KLF6: variants seen among roughly 807,000 people sequenced by gnomAD.
The protein encoded by KLF6 is KLF transcription factor 6.
For synonymous variants in KLF6, 152 were observed against 147.9 expected, an observed-to-expected ratio of 1.03 and a Z score of -0.20; for missense variants, 233 against 359.8, an observed-to-expected ratio of 0.65 and a Z score of 2.85.
Position 3,776,072 on chromosome 10 carries a change from C to T in KLF6, c.*3467G>A, listed in dbSNP as rs960023799. ...GAGGTTGTGAGAACAGCCCTCTGGCCTGGAGTCCCTCTGCCTCCTCCACCC... is the reference window on the plus strand; with the variant it reads ...GAGGTTGTGAGAACAGCCCTCTGGCTTGGAGTCCCTCTGCCTCCTCCACCC... On this transcript the variant is annotated 3_prime_UTR_variant, in exon 4 of 4. Transcript: ENST00000497571. 7.6e-6 allele frequency: 4 copies of T among 526,498 alleles called. No individual in the cohort carries two copies. The highest frequency in any genetic ancestry group is 1.5e-5 in the Non-Finnish European group (4 of 271,018). 32.6% of individuals were successfully genotyped at this position (526,498 alleles called of 1,614,324 possible). A position where few individuals can be genotyped will look rare whatever the true frequency, so the allele number is the denominator to read the frequency against.
chr10:3,778,935 A>G lies in KLF6; in HGVS notation c.*604T>C. 1.9e-6 allele frequency: 1 copy of G among 534,534 alleles called. No homozygotes were observed. Among genetic ancestry groups the G allele is most frequent in the South Asian group, 1.5e-5 (1 of 65,170 alleles). 33.1% of individuals were successfully genotyped at this position (534,534 alleles called of 1,614,324 possible). ...CACTAAGAGTTCCTCTCACACAGAA[A>G]AGGGGGAGAGAGGCTCTCCCTCCCC... On this transcript the variant is annotated 3_prime_UTR_variant, in exon 4 of 4. Coordinates refer to ENST00000497571, the MANE Select transcript of KLF6 (RefSeq NM_001300.6).
At position 3,776,497 on chromosome 10, in the gene KLF6, A is replaced by G; in HGVS notation, c.*3042T>C. On this transcript the variant is annotated 3_prime_UTR_variant, in exon 4 of 4. Transcript: ENST00000497571. ...AGGAGGAAGCCAGGGTGATGAATGC[A>G]GGAGGAATCTGTTCCAACAACCCCC... 2 of 530,198 alleles carry G rather than the reference A, an allele frequency of 3.8e-6. No individual in the cohort carries two copies. Among genetic ancestry groups the G allele is most frequent in the Non-Finnish European group, 7.3e-6 (2 of 273,748 alleles). The allele number at this position is 530,198 out of a possible 1,614,324, so 32.8% of individuals were successfully genotyped here.
Position 3,780,049 on chromosome 10 carries a change from G to C in KLF6, c.800+57C>G. On this transcript the variant is annotated intron_variant, in intron 3 of 3. Coordinates refer to ENST00000497571, the MANE Select transcript of KLF6 (RefSeq NM_001300.6). The surrounding 1 kb of genome is among the most constrained non-coding windows in gnomAD (Gnocchi z 4.6). The stretch of plus-strand genomic sequence containing the variant: ...TGCCCTGCACACCTACTCAACCCTG[G>C]TCATCACATTCCCAAGGCCCCACGC... 9 of 1,608,616 alleles carry C rather than the reference G, an allele frequency of 5.6e-6. No homozygotes were observed. Among genetic ancestry groups the C allele is most frequent in the Non-Finnish European group, 7.7e-6 (9 of 1,176,146 alleles).
At position 3,782,402 on chromosome 10, in the gene KLF6, T is replaced by G. The variant is rs1832550325; in HGVS notation, c.103-188A>C. Among the ~76,000 whole-genome samples, 1 of 152,224 alleles carries G rather than the reference T, an allele frequency of 6.6e-6. No individual in the cohort carries two copies. Among genetic ancestry groups the G allele is most frequent in the Admixed American group, 6.5e-5 (1 of 15,288 alleles). ...AGTTAGAGGAAATCTGTTTCTAGAA[T>G]GGTAAGAATTCAGAGGAAAAGTCGG... On this transcript the variant is annotated intron_variant, in intron 1 of 3. Transcript: ENST00000497571. This position sits in a 1 kb window ranked among gnomAD's most constrained non-coding sequence, Gnocchi z 4.3.
chr10:3,780,872 T>C lies in KLF6; in HGVS notation c.677-643A>G. 1 of 169,014 alleles carries C rather than the reference T, an allele frequency of 5.9e-6. No homozygotes were observed. Among genetic ancestry groups the C allele is most frequent in the South Asian group, 1.3e-4 (1 of 7,562 alleles). The allele number at this position is 169,014 out of a possible 1,614,324, so 10.5% of individuals were successfully genotyped here. A position where few individuals can be genotyped will look rare whatever the true frequency, so the allele number is the denominator to read the frequency against. On this transcript the variant is annotated intron_variant, in intron 2 of 3. Coordinates refer to ENST00000497571, the MANE Select transcript of KLF6 (RefSeq NM_001300.6). This position sits in a 1 kb window ranked among gnomAD's most constrained non-coding sequence, Gnocchi z 4.6. ...GTTGAGACAGGCCTGGGCCTGGATA[T>C]TGGGCCACCCGGATCTCAATCTCAG... is the stretch of plus-strand genomic sequence containing the variant.
rs779417175 is a variant in KLF6 at position 3,777,916 on chromosome 10, T to A, written c.*1623A>T. Reference sequence around the variant, plus strand: ...TGCCTTTTAAGCAAATACATTAACATTGGGGGTTTTTTAATACTTCTGTAT... The same window carrying A: ...TGCCTTTTAAGCAAATACATTAACAATGGGGGTTTTTTAATACTTCTGTAT... On this transcript the variant is annotated 3_prime_UTR_variant, in exon 4 of 4. Coordinates refer to ENST00000497571, the MANE Select transcript of KLF6 (RefSeq NM_001300.6). 1.2e-5 allele frequency: 6 copies of A among 487,972 alleles called. No homozygotes were observed. In the Admixed American group the frequency reaches 1.4e-4, roughly 12 times the overall value. 30.2% of individuals were successfully genotyped at this position (487,972 alleles called of 1,614,324 possible).
chr10:3,781,960 A>G lies in KLF6; in HGVS notation c.357T>C (p.Leu119=). The G allele has an allele frequency of 1.2e-6, 2 of 1,614,202 alleles. No individual in the cohort carries two copies. Among genetic ancestry groups the G allele is most frequent in the Non-Finnish European group, 1.7e-6 (2 of 1,180,048 alleles). The change falls in exon 2 of 4, where the codon CTT becomes CTC. Residue 119 remains leucine (L), a synonymous_variant. Transcript: ENST00000497571. The surrounding 1 kb of genome is among the most constrained non-coding windows in gnomAD (Gnocchi z 5.8). ...SSESSDSSEE[L]SPTAKFTSDP... ...CGGAGGTAAACTTGGCCGTGGGAGA[A>G]AGTTCCTCGGAGCTGTCAGAGGATT...
At position 3,777,079 on chromosome 10, in the gene KLF6, T is replaced by G. The variant is rs1260048130; in HGVS notation, c.*2460A>C. ...CCAAAAGAAAACTGCACTTCCCCTC[T>G]TAAGTAAAACGAAATGAGTTTCTTA... On this transcript the variant is annotated 3_prime_UTR_variant, in exon 4 of 4. Transcript: ENST00000497571. The G allele has an allele frequency of 1.9e-6, 1 of 516,258 alleles. No individual in the cohort carries two copies. The highest frequency in any genetic ancestry group is 1.9e-5 in the African/African-American group (1 of 52,806). The allele number at this position is 516,258 out of a possible 1,614,324, so 32.0% of individuals were successfully genotyped here. A position where few individuals can be genotyped will look rare whatever the true frequency, so the allele number is the denominator to read the frequency against.
chr10:3,778,186 A>G lies in KLF6; in HGVS notation c.*1353T>C. The G allele has an allele frequency of 1.9e-6, 1 of 523,232 alleles. No individual in the cohort carries two copies. The highest frequency in any genetic ancestry group is 3.7e-6 in the Non-Finnish European group (1 of 269,336). 32.4% of individuals were successfully genotyped at this position (523,232 alleles called of 1,614,324 possible). On this transcript the variant is annotated 3_prime_UTR_variant, in exon 4 of 4. Transcript: ENST00000497571. ...CTTAAAGAGATTTTTTTTCTGTATT[A>G]TACGTTGATACAGTACACTGCCAGG...
rs1371209362 is a variant in KLF6 at position 3,776,018 on chromosome 10, T to C, written c.*3521A>G. 2.1e-6 allele frequency: 1 copy of C among 482,428 alleles called. No individual in the cohort carries two copies. The highest frequency in any genetic ancestry group is 2.5e-5 in the Admixed American group (1 of 40,560). The allele number at this position is 482,428 out of a possible 1,614,324, so 29.9% of individuals were successfully genotyped here. A position where few individuals can be genotyped will look rare whatever the true frequency, so the allele number is the denominator to read the frequency against. ...CTCTGGCAGTGATGTCATCTTTTAT[T>C]TTCTGCCCTCCTTGACTGAGAGTGG... On this transcript the variant is annotated 3_prime_UTR_variant, in exon 4 of 4. Coordinates refer to ENST00000497571, the MANE Select transcript of KLF6 (RefSeq NM_001300.6).
chr10:3,778,796 ATTG>A lies in KLF6; in HGVS notation c.*740_*742del. ...TTTTTGTATTCTAAGGAAAAGTTAA[ATTG>A]TTGTGTTATATTTGTAAATACACAG... On this transcript the variant is annotated 3_prime_UTR_variant, in exon 4 of 4. Transcript: ENST00000497571. 1.9e-6 allele frequency: 1 copy of A among 532,144 alleles called. No homozygotes were observed. The highest frequency in any genetic ancestry group is 1.5e-5 in the South Asian group (1 of 65,148). The allele number at this position is 532,144 out of a possible 1,614,324, so 33.0% of individuals were successfully genotyped here. A position where few individuals can be genotyped will look rare whatever the true frequency, so the allele number is the denominator to read the frequency against.
Position 3,782,067 on chromosome 10 carries a change from T to G in KLF6, c.250A>C (p.Ser84Arg). The change falls in exon 2 of 4, where the codon AGT (serine) becomes CGT (arginine). Residue 84 changes from serine (S) to arginine (R), a missense_variant. Transcript: ENST00000497571. This position sits in a 1 kb window ranked among gnomAD's most constrained non-coding sequence, Gnocchi z 4.3. ...CTGATGAGAGTGTCCTCTGGAGGACTGGAAGATATCTTCAGTTCGGATTCC... is the reference window on the plus strand; with the variant it reads ...CTGATGAGAGTGTCCTCTGGAGGACGGGAAGATATCTTCAGTTCGGATTCC... ...KEESELKISS[S>R]PPEDTLISPS... is the part of the protein sequence containing the mutation. The G allele has an allele frequency of 1.2e-6, 2 of 1,614,188 alleles. No homozygotes were observed. Among genetic ancestry groups the G allele is most frequent in the Non-Finnish European group, 1.7e-6 (2 of 1,179,998 alleles).
chr10:3,784,370 CAA>C (rs1432738937), intron 1 of KLF6, among the ~76,000 whole-genome samples: 1 of 151,832 alleles, frequency 6.6e-6, no homozygotes, highest in Non-Finnish European at 1.5e-5. Flanking sequence ...TCTTGGTCAA[CAA>C]GAGAAGCAGG....
Position 3,782,065 on chromosome 10 carries a change from A to G in KLF6, c.252T>C (p.Ser84=). 1 of 1,614,176 alleles carries G rather than the reference A, an allele frequency of 6.2e-7. No individual in the cohort carries two copies. Among genetic ancestry groups the G allele is most frequent in the Non-Finnish European group, 8.5e-7 (1 of 1,180,030 alleles). The change falls in exon 2 of 4, where the codon AGT becomes AGC. Residue 84 remains serine, a synonymous_variant. Coordinates refer to ENST00000497571, the MANE Select transcript of KLF6 (RefSeq NM_001300.6). The surrounding 1 kb of genome is among the most constrained non-coding windows in gnomAD (Gnocchi z 4.3). ...KEESELKISS[S]PPEDTLISPS... The stretch of plus-strand genomic sequence containing the variant: ...GGCTGATGAGAGTGTCCTCTGGAGG[A>G]CTGGAAGATATCTTCAGTTCGGATT...
rs762390435 is a variant in KLF6 at position 3,782,231 on chromosome 10, A to C, written c.103-17T>G. 21 of 1,596,000 alleles carry C rather than the reference A, an allele frequency of 1.3e-5. No homozygotes were observed. The highest frequency in any genetic ancestry group is 1.4e-5 in the Non-Finnish European group (17 of 1,174,498). The stretch of plus-strand genomic sequence containing the variant: ...TAGGCAGGTCTGTGCAAAATGAACC[A>C]GAGAAGGCACGTGATTGCCATGACG... On this transcript the variant is annotated splice_polypyrimidine_tract_variant and intron_variant, in intron 1 of 3. Coordinates refer to ENST00000497571, the MANE Select transcript of KLF6 (RefSeq NM_001300.6). This position sits in a 1 kb window ranked among gnomAD's most constrained non-coding sequence, Gnocchi z 4.3.
At position 3,779,029 on chromosome 10, in the gene KLF6, TTTTG is replaced by T. The variant is rs1161999734; in HGVS notation, c.*506_*509del. 17 of 526,916 alleles carry T rather than the reference TTTTG, an allele frequency of 3.2e-5. No individual in the cohort carries two copies. Among genetic ancestry groups the T allele is most frequent in the African/African-American group, 1.9e-4 (10 of 53,116 alleles). 32.6% of individuals were successfully genotyped at this position (526,916 alleles called of 1,614,324 possible). A position where few individuals can be genotyped will look rare whatever the true frequency, so the allele number is the denominator to read the frequency against. On this transcript the variant is annotated 3_prime_UTR_variant, in exon 4 of 4. Coordinates refer to ENST00000497571, the MANE Select transcript of KLF6 (RefSeq NM_001300.6). ...TCCAAGATTTTCCTTCTTTTTTTGT[TTTTG>T]TTTTTTTGTTTTTTTGATTTTTCTT...
intron 1 of KLF6, among the ~76,000 whole-genome samples, chr10:3,783,448 G>C (rs1832576020): frequency 6.6e-6 from 1 of 152,048 alleles, no homozygotes; most frequent in Non-Finnish European, 1.5e-5. Context: ...TCATTTTTCC[G>C]GGCAGGGACC....
chr10:3,780,279 A>G lies in KLF6; in HGVS notation c.677-50T>C. 6.2e-7 allele frequency: 1 copy of G among 1,608,642 alleles called. No homozygotes were observed. Among genetic ancestry groups the G allele is most frequent in the South Asian group, 1.1e-5 (1 of 91,062 alleles). ...AGCCCATGACTTCACTGACCCGCAG[A>G]CGGAAAGGGGAAATTCAACAACACA... On this transcript the variant is annotated intron_variant, in intron 2 of 3. Coordinates refer to ENST00000497571, the MANE Select transcript of KLF6 (RefSeq NM_001300.6). This position sits in a 1 kb window ranked among gnomAD's most constrained non-coding sequence, Gnocchi z 4.6.
intron 3 of KLF6, 137 bp from the exon 4 acceptor site, chr10:3,779,727 ATCAGTGTCT>A: frequency 1.3e-6 from 1 of 790,812 alleles, no homozygotes; most frequent in Non-Finnish European, 2.2e-6. Flanking sequence ...CCCAAGCCTC[ATCAGTGTCT>A]TCAGGGACAG....
Sources: allele counts gnomAD v4.1 joint callset (sites outside exome capture counted in the v4.1 genomes callset), GRCh38; gene constraint gnomAD v4.1.1; non-coding constraint Gnocchi (gnomAD v3.1); transcripts MANE v1.5; gene names NCBI Gene and HGNC (gene_info 2026-07-23, HGNC 2026-07-21).